Variants in RPN2 observed in about 807,000 individuals in gnomAD.
RPN2 encodes ribophorin II, also known as dolichyl-diphosphooligosaccharide--protein glycosyltransferase subunit 2.
A neutral mutation model predicts 71.4 loss-of-function variants in RPN2; 29 were observed. The observed-to-expected ratio is 0.41, with a 90% confidence interval of 0.30 to 0.55. The LOEUF (loss-of-function observed/expected upper bound fraction) is 0.55. Among genes scored for constraint, RPN2 ranks in the 20% least tolerant of loss-of-function variants. The pLI is 0.35. For synonymous variants in RPN2, 308 were observed against 305.0 expected, an observed-to-expected ratio of 1.01 and a Z score of -0.10; for missense variants, 726 against 774.1, an observed-to-expected ratio of 0.94 and a Z score of 0.74.
chr20:37,236,703 T>C lies in RPN2; in HGVS notation c.1877T>C (p.Val626Ala), dbSNP rs2068404130. Residue 626 changes from valine to alanine, a missense_variant, in exon 16 of 17, where the codon GTC becomes GCC. Coordinates refer to ENST00000237530, the MANE Select transcript of RPN2 (RefSeq NM_002951.5). ...AGNRMLAQQA[V>A]KRTAH ...AATCGGATGCTGGCCCAGCAGGCAGTCAAGAGGTAAGGCCAGACATGAGCC... is the reference window on the plus strand; with the variant it reads ...AATCGGATGCTGGCCCAGCAGGCAGCCAAGAGGTAAGGCCAGACATGAGCC... The C allele has an allele frequency of 6.2e-7, 1 of 1,614,082 alleles. No individual in the cohort carries two copies. The highest frequency in any genetic ancestry group is 1.7e-5 in the Admixed American group (1 of 60,024).
At chr20:37,193,577 G>A (rs550587018) in intron 2 of RPN2, among the ~76,000 whole-genome samples, 7 of 152,318 alleles carry the variant, frequency 4.6e-5, no homozygotes, top group Admixed American at 2.0e-4. Flanking sequence ...ATTTTGGAAA[G>A]ACTTCTCTCT....
chr20:37,194,354 C>T (rs935156050), intron 2 of RPN2, among the ~76,000 whole-genome samples: 1 of 152,118 alleles, frequency 6.6e-6, no homozygotes. Flanking sequence ...CTCCGCCTCC[C>T]AGGTTCAAGC....
chr20:37,234,128 G>A (rs370837877), intron 15 of RPN2, 33 bp downstream of exon 15: 375 of 1,607,982 alleles, frequency 2.3e-4, no homozygotes, highest in Non-Finnish European at 2.9e-4. Flanking sequence ...TACCTGTAAC[G>A]TCCTCTGACA....
At position 37,229,995 on chromosome 20, in the gene RPN2, C is replaced by T. The variant is rs1201719115; in HGVS notation, c.1517C>T (p.Pro506Leu). Residue 506 changes from proline (P) to leucine (L), a missense_variant, in exon 13 of 17, where the codon CCT becomes CTT. Pro to Leu is a moderately conservative substitution (Grantham distance 98, BLOSUM62 -3). Coordinates refer to ENST00000237530, the MANE Select transcript of RPN2 (RefSeq NM_002951.5). ...WNVADVVIKF[P>L]EEEAPSTVLS... ...TAGGCTGATGTGGTCATCAAGTTCC[C>T]TGAGGAAGAAGCTCCCTCGACTGTC... 2 of 1,614,124 alleles carry T rather than the reference C, an allele frequency of 1.2e-6. No homozygotes were observed. Among genetic ancestry groups the T allele is most frequent in the Admixed American group, 3.3e-5 (2 of 60,030 alleles).
At chr20:37,221,676 A>G (rs879434336) in intron 9 of RPN2, among the ~76,000 whole-genome samples, 2 of 152,256 alleles carry the variant, frequency 1.3e-5, no homozygotes, top group Admixed American at 1.3e-4. Flanking sequence ...TACCTAGTTA[A>G]TCTTGATGAA....
intron 7 of RPN2, among the ~76,000 whole-genome samples, chr20:37,209,098 C>T (rs1392167335): frequency 1.3e-5 from 2 of 152,172 alleles, no homozygotes; most frequent in Admixed American, 6.5e-5. Context: ...CTTAACTGGC[C>T]ATGTGACCTT....
chr20:37,193,912 G>C (rs575643655), intron 2 of RPN2, among the ~76,000 whole-genome samples: 2 of 152,308 alleles, frequency 1.3e-5, no homozygotes, highest in Admixed American at 6.5e-5. Context: ...AGGGAGGCAG[G>C]GGGTGGTGGG....
chr20:37,180,144 C>A (rs2066822121), intron 1 of RPN2, among the ~76,000 whole-genome samples: 1 of 152,194 alleles, frequency 6.6e-6, no homozygotes, highest in Admixed American at 6.5e-5. Context: ...TTGTTACTAC[C>A]ATTTGACAGA....
chr20:37,180,610 C>T (rs2066838901), intron 1 of RPN2, among the ~76,000 whole-genome samples: 1 of 152,134 alleles, frequency 6.6e-6, no homozygotes, highest in Admixed American at 6.5e-5. Flanking sequence ...TATTGGGTAC[C>T]CGCCTGTGCA....
At position 37,199,241 on chromosome 20, in the gene RPN2, G is replaced by C; in HGVS notation, c.479+16G>C. ...CTGTGCTGGCGTGAGTTGTCATCTCGAGCATTTCTCAGGCTTCATTTGTCT... is the reference window on the plus strand; with the variant it reads ...CTGTGCTGGCGTGAGTTGTCATCTCCAGCATTTCTCAGGCTTCATTTGTCT... On this transcript the variant is annotated intron_variant, in intron 4 of 16. Transcript: ENST00000237530. The C allele has an allele frequency of 6.2e-7, 1 of 1,612,464 alleles. No homozygotes were observed. The highest frequency in any genetic ancestry group is 1.3e-5 in the African/African-American group (1 of 75,030).
chr20:37,199,868 C>G (rs763271700), intron 4 of RPN2, among the ~76,000 whole-genome samples: 2 of 152,168 alleles, frequency 1.3e-5, no homozygotes, highest in African/African-American at 2.4e-5. Context: ...GGATCTCACT[C>G]TGTCACCCAG....
rs1434574475 is a variant in RPN2, at chr20:37,241,582, G to A, written c.*267G>A. 3.9e-6 allele frequency: 2 copies of A among 516,414 alleles called. No individual in the cohort carries two copies. The highest frequency in any genetic ancestry group is 7.0e-6 in the Non-Finnish European group (2 of 285,710). 32.0% of individuals were successfully genotyped at this position (516,414 alleles called of 1,614,324 possible). ...GATGTTGCTTTTGAAAAGTTGAAAT[G>A]TGTAATTGTTTTGGAATAAAGAGGG... is the stretch of plus-strand genomic sequence containing the variant. On this transcript the variant is annotated 3_prime_UTR_variant, in exon 17 of 17. Coordinates refer to ENST00000237530, the MANE Select transcript of RPN2 (RefSeq NM_002951.5).
intron 2 of RPN2, among the ~76,000 whole-genome samples, chr20:37,191,974 G>C (rs922602740): frequency 4.2e-4 from 61 of 145,910 alleles, no homozygotes; most frequent in African/African-American, 1.4e-3. Context: ...TGCACCTCTA[G>C]TCCTAGCTAT....
intron 2 of RPN2, among the ~76,000 whole-genome samples, chr20:37,198,171 C>T (rs2067293993): frequency 6.6e-6 from 1 of 152,216 alleles, no homozygotes; most frequent in South Asian, 2.1e-4. Flanking sequence ...TCTTTCCTTT[C>T]TAAGGTTCGG....
chr20:37,208,928 A>G (rs1052166737), intron 7 of RPN2, among the ~76,000 whole-genome samples: 1 of 152,218 alleles, frequency 6.6e-6, no homozygotes, highest in East Asian at 1.9e-4. Context: ...AAAATTGCCC[A>G]TTTTCTCCCT....
At chr20:37,201,419 G>A (rs1376264507) in intron 4 of RPN2, among the ~76,000 whole-genome samples, 2 of 151,642 alleles carry the variant, frequency 1.3e-5, no homozygotes, top group South Asian at 2.1e-4. Context: ...TGAGTAGCTG[G>A]GACTATAATC....
At chr20:37,238,719 C>T (rs969068681) in intron 16 of RPN2, 3 of 701,260 alleles carry the variant, frequency 4.3e-6, no homozygotes, top group East Asian at 2.8e-5. Context: ...TTCATTCTCC[C>T]TTATATCCCG....
chr20:37,207,501 A>G (rs1355399026), intron 7 of RPN2, 52 bp downstream of exon 7: 1 of 1,552,314 alleles, frequency 6.4e-7, no homozygotes. Context: ...TCCTAGTGGA[A>G]GGCTTTCAGA....
chr20:37,196,846 C>A (rs775766286), intron 2 of RPN2, among the ~76,000 whole-genome samples: 1 of 152,106 alleles, frequency 6.6e-6, no homozygotes, highest in Non-Finnish European at 1.5e-5. Flanking sequence ...TCCTTTGTGC[C>A]AGTCACTGTG....
Sources: gnomAD v4.1 joint callset for allele counts (sites outside exome capture counted in the v4.1 genomes callset) on GRCh38, gnomAD v4.1.1 for gene constraint, MANE v1.5 for transcripts, NCBI Gene and HGNC (gene_info 2026-07-23, HGNC 2026-07-21) for gene names.